Variants in UNC13C observed in about 807,000 individuals in gnomAD.
UNC13C encodes the protein unc-13 homolog C, also known as protein unc-13 homolog C.
In UNC13C, 174 loss-of-function variants were observed where a neutral mutation model predicts 245.4. The ratio of observed to expected loss-of-function variants is 0.71; its 90% CI spans 0.63 to 0.80. The LOEUF (loss-of-function observed/expected upper bound fraction) is 0.80, where lower values mean the gene tolerates loss of function less well. Among genes scored for constraint, UNC13C ranks in the 30% least tolerant of loss-of-function variants. UNC13C has a pLI of 0.00. For missense variants in UNC13C, 2,829 were observed against 2,602.9 expected (o/e 1.09, Z -1.89); for synonymous variants, 992 against 895.1 (o/e 1.11, Z -1.93).
At chr15:54,243,509 G>T (rs571612250) in intron 7 of UNC13C, among the ~76,000 whole-genome samples, 1 of 152,146 alleles carries the variant, frequency 6.6e-6, no homozygotes, top group Non-Finnish European at 1.5e-5. Context: ...CCAGTAATGG[G>T]ATTGCTGGGT....
At chr15:54,453,267 G>A (rs959465803) in intron 19 of UNC13C, among the ~76,000 whole-genome samples, 5 of 152,180 alleles carry the variant, frequency 3.3e-5, no homozygotes, top group Admixed American at 6.5e-5. Context: ...GCACTGTTGA[G>A]TCTCACTGGG....
chr15:54,133,461 A>G (rs573881715), intron 2 of UNC13C, among the ~76,000 whole-genome samples: 1 of 152,192 alleles, frequency 6.6e-6, no homozygotes, highest in African/African-American at 2.4e-5. Flanking sequence ...GAATTTGAAG[A>G]CATTAAAATT....
chr15:53,988,491 T>C (rs1365670912), intron 1 of UNC13C, among the ~76,000 whole-genome samples: 1 of 151,870 alleles, frequency 6.6e-6, no homozygotes, highest in Non-Finnish European at 1.5e-5. Flanking sequence ...ACAGAAGAAA[T>C]GTGAAGATGA....
At chr15:54,005,174 G>A (rs1244031891) in intron 1 of UNC13C, among the ~76,000 whole-genome samples, 3 of 152,184 alleles carry the variant, frequency 2.0e-5, no homozygotes, top group South Asian at 4.1e-4. Flanking sequence ...TAGGGGCCCA[G>A]TGGTGAGACT....
intron 2 of UNC13C, among the ~76,000 whole-genome samples, chr15:54,114,285 ATTGGAGTCTCCTTATTTGGCTCTC>A (rs1284385122): frequency 6.6e-6 from 1 of 152,194 alleles, no homozygotes; most frequent in Non-Finnish European, 1.5e-5. Context: ...TAAGGATGAA[ATTGGAGTCTCCTTATTTGGCTCTC>A]TTGTCCTATA....
intron 4 of UNC13C, among the ~76,000 whole-genome samples, chr15:54,224,403 C>A (rs1303827990): frequency 6.6e-6 from 1 of 151,928 alleles, no homozygotes; most frequent in African/African-American, 2.4e-5. Flanking sequence ...TGGTTTTTGT[C>A]CTTTATTCTG....
At chr15:54,316,602 A>G (rs1030372004) in intron 13 of UNC13C, among the ~76,000 whole-genome samples, 3 of 151,918 alleles carry the variant, frequency 2.0e-5, no homozygotes, top group Non-Finnish European at 4.4e-5. Flanking sequence ...AGCAGTCTAT[A>G]AGCAGATTCA....
At chr15:54,278,975 T>C (rs568987985) in intron 10 of UNC13C, among the ~76,000 whole-genome samples, 31 of 152,302 alleles carry the variant, frequency 2.0e-4, no homozygotes, top group African/African-American at 7.0e-4. Flanking sequence ...ACACAAACTT[T>C]TGGAAATATT....
intron 2 of UNC13C, among the ~76,000 whole-genome samples, chr15:54,038,275 G>A (rs994818770): frequency 9.3e-5 from 14 of 150,794 alleles, no homozygotes; most frequent in African/African-American, 3.2e-4. Flanking sequence ...GGGATTACTG[G>A]CACGTGCAAC....
At chr15:54,515,433 G>T (rs1300502253) in intron 24 of UNC13C, among the ~76,000 whole-genome samples, 5 of 151,940 alleles carry the variant, frequency 3.3e-5, no homozygotes, top group Non-Finnish European at 7.4e-5. Flanking sequence ...TCTATCAATT[G>T]CAAATAATTA....
chr15:54,630,787 T>A (rs1181274288), downstream of UNC13C: 1 of 152,018 alleles, frequency 6.6e-6, no homozygotes, highest in Non-Finnish European at 1.5e-5. Flanking sequence ...CTAGGATATG[T>A]GATATGAAGG....
intron 30 of UNC13C, among the ~76,000 whole-genome samples, chr15:54,578,247 G>A (rs1268666441): frequency 1.3e-5 from 2 of 152,186 alleles, no homozygotes; most frequent in Non-Finnish European, 2.9e-5. Context: ...TTAATGTACT[G>A]GCAGACTAAA....
chr15:54,280,004 G>A (rs944039740), intron 10 of UNC13C, among the ~76,000 whole-genome samples: 4 of 152,152 alleles, frequency 2.6e-5, no homozygotes. Context: ...AGAAGGGTAA[G>A]CACATACGTG....
At chr15:54,576,759 T>C (rs945933461) in intron 30 of UNC13C, among the ~76,000 whole-genome samples, 1 of 152,220 alleles carries the variant, frequency 6.6e-6, no homozygotes, top group Non-Finnish European at 1.5e-5. Flanking sequence ...CTTGTGACAG[T>C]TCCCTAGCAC....
At chr15:53,914,211 T>A in the UNC13C span, 107,760 of 151,712 alleles carry the variant, frequency 0.71, 38,338 homozygotes, top group Admixed American at 0.76. Flanking sequence ...GGGTGGAGTG[T>A]AAGGTACATG....
chr15:54,487,140 G>A (rs965039109), intron 19 of UNC13C, among the ~76,000 whole-genome samples: 19 of 151,210 alleles, frequency 1.3e-4, no homozygotes, highest in Non-Finnish European at 1.9e-4. Context: ...ATCAGAGAGT[G>A]TATCTATGAG....
At chr15:54,106,099 T>C (rs989283858) in intron 2 of UNC13C, among the ~76,000 whole-genome samples, 1 of 152,232 alleles carries the variant, frequency 6.6e-6, no homozygotes, top group South Asian at 2.1e-4. Flanking sequence ...TCTGTGTTGG[T>C]ACAGCAGTCT....
chr15:54,576,728 C>G (rs1054183388), intron 30 of UNC13C, among the ~76,000 whole-genome samples: 1 of 152,122 alleles, frequency 6.6e-6, no homozygotes, highest in African/African-American at 2.4e-5. Context: ...CCTCTTGTCC[C>G]CCACCAGCAC....
At chr15:53,926,165 A>G in the UNC13C span, among the ~76,000 whole-genome samples, 1 of 152,028 alleles carries the variant, frequency 6.6e-6, no homozygotes, top group Non-Finnish European at 1.5e-5. Flanking sequence ...ACATTAAAGC[A>G]GAGGTGCTTT....
Sources: allele counts gnomAD v4.1 joint callset (sites outside exome capture counted in the v4.1 genomes callset), GRCh38; gene constraint gnomAD v4.1.1; transcripts MANE v1.5; gene names NCBI Gene and HGNC (gene_info 2026-07-23, HGNC 2026-07-21).